Variants in TMTC2 observed in about 807,000 individuals in gnomAD.
TMTC2 encodes protein O-mannosyl-transferase TMTC2.
TMTC2 carries 43 observed loss-of-function variants against 82.4 expected under a neutral mutation model. That is an observed-to-expected ratio of 0.52 (90% CI 0.41 to 0.67). The LOEUF (loss-of-function observed/expected upper bound fraction) is 0.67. Among genes scored for constraint, TMTC2 ranks in the 30% least tolerant of loss-of-function variants. The probability of loss-of-function intolerance (pLI) is 0.00; values close to 1 mark genes in which losing one functional copy is unlikely to be tolerated. For synonymous variants in TMTC2, 408 were observed against 381.9 expected (o/e 1.07, Z -0.80); for missense variants, 919 against 1,012.4 (o/e 0.91, Z 1.25).
At chr12:82,945,548 G>A (rs992485142) in intron 4 of TMTC2, among the ~76,000 whole-genome samples, 1 of 152,182 alleles carries the variant, frequency 6.6e-6, no homozygotes, top group Non-Finnish European at 1.5e-5. Context: ...GAAGCTTTCT[G>A]TTGTTCCTAA....
intron 1 of TMTC2, among the ~76,000 whole-genome samples, chr12:82,788,656 T>A (rs1303135969): frequency 6.6e-6 from 1 of 152,114 alleles, no homozygotes; most frequent in African/African-American, 2.4e-5. Flanking sequence ...TCCCAGAACT[T>A]TTTCATGTTC....
intron 9 of TMTC2, among the ~76,000 whole-genome samples, chr12:83,039,738 T>C (rs1881817770): frequency 6.6e-6 from 1 of 152,202 alleles, no homozygotes. Context: ...TGTCAACGTA[T>C]AGAATTATAA....
intron 1 of TMTC2, among the ~76,000 whole-genome samples, chr12:82,836,069 A>G (rs940335521): frequency 2.6e-5 from 4 of 152,256 alleles, no homozygotes; most frequent in Admixed American, 6.5e-5. Flanking sequence ...AAAAATAAGA[A>G]ATAGCAGTAA....
At chr12:82,768,127 C>T (rs941271535) in intron 1 of TMTC2, among the ~76,000 whole-genome samples, 1 of 152,144 alleles carries the variant, frequency 6.6e-6, no homozygotes, top group African/African-American at 2.4e-5. Context: ...TACAGGAGCG[C>T]TAATTGATAG....
chr12:82,980,239 TA>T (rs1489680856), intron 7 of TMTC2, among the ~76,000 whole-genome samples: 2 of 151,740 alleles, frequency 1.3e-5, no homozygotes, highest in Non-Finnish European at 3.0e-5. Context: ...AGGAACAAAT[TA>T]AAAGTAACCT....
At chr12:82,873,510 T>C (rs1872324906) in intron 2 of TMTC2, among the ~76,000 whole-genome samples, 2 of 152,176 alleles carry the variant, frequency 1.3e-5, no homozygotes, top group Admixed American at 6.5e-5. Context: ...GGTCCCTACA[T>C]AATTGCAATT....
rs1001822810 is a variant in TMTC2, at chr12:82,717,373, C to A, written c.83+29704C>A. ...CCAAGTAGCTGGAATTACAGGTGCTCACCACCATGCCCGGCTAAGTTTTTA... is the reference window on the plus strand; with the variant it reads ...CCAAGTAGCTGGAATTACAGGTGCTAACCACCATGCCCGGCTAAGTTTTTA... On this transcript the variant is annotated intron_variant, in intron 1 of 11. Transcript: ENST00000321196. Among the ~76,000 whole-genome samples, 14 of 151,938 alleles carry A rather than the reference C, an allele frequency of 9.2e-5. No individual in the cohort carries two copies. In the South Asian group the frequency reaches 1.7e-3, roughly 18 times the overall value.
chr12:82,732,077 C>A (rs1874843418), intron 1 of TMTC2, among the ~76,000 whole-genome samples: 1 of 152,104 alleles, frequency 6.6e-6, no homozygotes, highest in African/African-American at 2.4e-5. Context: ...TTTTTGGAAA[C>A]TAAGAATTGT....
At chr12:82,741,871 T>C (rs12230439) in intron 1 of TMTC2, among the ~76,000 whole-genome samples, 26,889 of 152,068 alleles carry the variant, frequency 0.18, 2,479 homozygotes, top group African/African-American at 0.21. Flanking sequence ...GGGATTCTTA[T>C]TTGTTCCTGT....
At chr12:82,745,279 A>G (rs1047270042) in intron 1 of TMTC2, among the ~76,000 whole-genome samples, 12 of 152,314 alleles carry the variant, frequency 7.9e-5, no homozygotes, top group Non-Finnish European at 1.5e-4. Context: ...AGATGGACAG[A>G]TAACAGTTGT....
intron 8 of TMTC2, among the ~76,000 whole-genome samples, chr12:83,011,254 G>A (rs568684853): frequency 4.1e-4 from 62 of 152,292 alleles, no homozygotes; most frequent in African/African-American, 1.4e-3. Flanking sequence ...GCACTTATAT[G>A]AACGCTAGTT....
chr12:82,903,104 G>C lies in TMTC2; in HGVS notation c.1483+6458G>C, dbSNP rs116672060. Among the ~76,000 whole-genome samples, 828 of 152,126 alleles carry C rather than the reference G, an allele frequency of 5.4e-3. 8 individuals carry two copies. Among genetic ancestry groups the C allele is most frequent in the African/African-American group, 0.018 (756 of 41,492 alleles). ...TTTACCTTCGTCATTGCTTCTTCCT[G>C]CAATGTGTTCTCCTGGTTATTCTCA... On this transcript the variant is annotated intron_variant, in intron 3 of 11. Coordinates refer to ENST00000321196, the MANE Select transcript of TMTC2 (RefSeq NM_152588.3).
intron 8 of TMTC2, among the ~76,000 whole-genome samples, chr12:83,019,018 GTGT>G (rs983334879): frequency 6.6e-5 from 10 of 152,140 alleles, no homozygotes; most frequent in Non-Finnish European, 1.3e-4. Flanking sequence ...TAGGAATCAA[GTGT>G]TGTTAGAGCA....
chr12:82,759,693 C>G (rs1876508479), intron 1 of TMTC2: 1 of 152,264 alleles, frequency 6.6e-6, no homozygotes, highest in South Asian at 2.1e-4. Flanking sequence ...GTTAAAAATG[C>G]TTGACAATTT....
At position 82,735,414 on chromosome 12, in the gene TMTC2, C is replaced by T. The variant is rs1007800218; in HGVS notation, c.83+47745C>T. Among the ~76,000 whole-genome samples the T allele has an allele frequency of 6.6e-5, 10 of 150,470 alleles. No individual in the cohort carries two copies. The East Asian group carries it at 8.0e-4, about 12-fold the overall frequency. Reference sequence around the variant, plus strand: ...AGGCTGGAGTGCAGTGGCGCGATCTCGGCTCACTGCAAGCTCCGCCTCCCA... The same window carrying T: ...AGGCTGGAGTGCAGTGGCGCGATCTTGGCTCACTGCAAGCTCCGCCTCCCA... On this transcript the variant is annotated intron_variant, in intron 1 of 11. Transcript: ENST00000321196.
chr12:82,752,551 C>T (rs1461476183), intron 1 of TMTC2, among the ~76,000 whole-genome samples: 1 of 152,066 alleles, frequency 6.6e-6, no homozygotes, highest in Non-Finnish European at 1.5e-5. Flanking sequence ...GATAGGGGCG[C>T]TGTTTATAGT....
chr12:83,069,692 T>C (rs1883040298), intron 11 of TMTC2, among the ~76,000 whole-genome samples: 1 of 152,224 alleles, frequency 6.6e-6, no homozygotes, highest in South Asian at 2.1e-4. Context: ...AAAAGCTCTT[T>C]AGTTTAATTA....
intron 11 of TMTC2, among the ~76,000 whole-genome samples, chr12:83,075,225 G>T (rs975864208): frequency 6.6e-6 from 1 of 152,114 alleles, no homozygotes; most frequent in Non-Finnish European, 1.5e-5. Context: ...AGTACTTGGG[G>T]TGTCTCCCAG....
At chr12:83,127,827 A>G (rs945883446) in intron 11 of TMTC2, among the ~76,000 whole-genome samples, 2 of 152,122 alleles carry the variant, frequency 1.3e-5, no homozygotes, top group African/African-American at 4.8e-5. Context: ...CATTATTTTA[A>G]ATTTTGCATA....
Sources: allele counts gnomAD v4.1 joint callset (sites outside exome capture counted in the v4.1 genomes callset), GRCh38; gene constraint gnomAD v4.1.1; transcripts MANE v1.5; gene names NCBI Gene and HGNC (gene_info 2026-07-23, HGNC 2026-07-21).